Variants in ATP7A observed in about 807,000 individuals in gnomAD.
ATP7A encodes the protein copper-transporting ATPase 1.
A neutral mutation model predicts 83.5 loss-of-function variants in ATP7A; 7 were observed. The observed-to-expected ratio is 0.08, with a 90% CI of 0.05 to 0.16. The LOEUF is 0.16. Among genes scored for constraint, ATP7A ranks in the 10% least tolerant of loss-of-function variants. ATP7A has a pLI of 1.00. For missense variants in ATP7A, 940 were observed against 1,120.8 expected, an observed-to-expected ratio of 0.84 and a Z score of 2.30; for synonymous variants, 354 against 395.2, an observed-to-expected ratio of 0.90 and a Z score of 1.24.
chrX:77,973,432 C>G, intron 2 of ATP7A, among the ~76,000 whole-genome samples: 1 of 111,870 alleles, frequency 8.9e-6, no homozygotes, highest in Admixed American at 9.5e-5. Flanking sequence ...TGAAAGTGTT[C>G]CATTTTCTCC....
At chrX:77,959,377 CTA>C (rs2077463296) in intron 1 of ATP7A, among the ~76,000 whole-genome samples, 2 of 111,723 alleles carry the variant, frequency 1.8e-5, no homozygotes, top group Middle Eastern at 4.6e-3. Context: ...TTTTTCTAAA[CTA>C]TGTTAATGGG....
rs1249256780 is a variant in ATP7A at position 77,998,627 on chromosome X, G to A, written c.1486G>A (p.Gly496Ser). Residue 496 changes from glycine to serine, a missense_variant, in exon 5 of 23, where the codon GGC becomes AGC. By Grantham distance (56) the Gly-to-Ser change is moderately conservative. Transcript: ENST00000341514. ...NSSKCYIQVTGMTCASCVANI... is the reference protein window; with the variant it reads ...NSSKCYIQVTSMTCASCVANI... ...ATCTAAGTGTTACATACAGGTCACT[G>A]GCATGACTTGCGCTTCCTGTGTAGC... is the stretch of plus-strand genomic sequence containing the variant. 2 of 1,210,375 alleles carry A rather than the reference G, an allele frequency of 1.7e-6. No homozygotes were observed. The highest frequency in any genetic ancestry group is 3.5e-5 in the African/African-American group (2 of 57,260).
chrX:77,916,354 C>CAAAAAAAAAAAAA (rs782551060), intron 1 of ATP7A, among the ~76,000 whole-genome samples: 1 of 32,522 alleles, frequency 3.1e-5, no homozygotes, highest in Non-Finnish European at 5.8e-5. Context: ...GACCCTGTCT[C>CAAAAAAAAAAAAA]AAAAAAAAAA....
chrX:78,037,226 C>A (rs928915011), intron 17 of ATP7A, among the ~76,000 whole-genome samples: 2 of 112,113 alleles, frequency 1.8e-5, no homozygotes, highest in African/African-American at 6.5e-5. Flanking sequence ...AGGAAACAGA[C>A]TGAATCAGAG....
chrX:77,972,265 C>G (rs1308155261), intron 2 of ATP7A, among the ~76,000 whole-genome samples: 1 of 110,878 alleles, frequency 9.0e-6, no homozygotes, highest in African/African-American at 3.3e-5. Flanking sequence ...AATCACAGCT[C>G]ACTGCAGCCT....
chrX:78,049,023 G>T lies in ATP7A; in HGVS notation c.*2453G>T. Reference sequence around the variant, plus strand: ...AATTTCAGCTCTTACAACAAGAACAGAAAACATGCTAATTAGAAAAAGTCC... The same window carrying T: ...AATTTCAGCTCTTACAACAAGAACATAAAACATGCTAATTAGAAAAAGTCC... On this transcript the variant is annotated 3_prime_UTR_variant, in exon 23 of 23. Transcript: ENST00000341514. 8.9e-6 allele frequency: 1 copy of T among 111,932 alleles called. No homozygotes were observed. Among genetic ancestry groups the T allele is most frequent in the Non-Finnish European group, 1.9e-5 (1 of 53,175 alleles). The allele number at this position is 111,932 out of a possible 1,213,427, so 9.2% of individuals were successfully genotyped here.
chrX:77,931,255 C>T (rs1557224171), intron 1 of ATP7A, among the ~76,000 whole-genome samples: 1 of 109,396 alleles, frequency 9.1e-6, no homozygotes, highest in Non-Finnish European at 1.9e-5. Flanking sequence ...TTTAACAAAG[C>T]ACATCTTGCA....
chrX:77,948,156 T>A (rs1214166304), intron 1 of ATP7A, among the ~76,000 whole-genome samples: 1 of 109,031 alleles, frequency 9.2e-6, no homozygotes, highest in African/African-American at 3.4e-5. Context: ...AGACGGAGTC[T>A]TGCTCTGTCA....
intron 2 of ATP7A, among the ~76,000 whole-genome samples, chrX:77,979,644 G>A (rs2077594286): frequency 8.9e-6 from 1 of 112,272 alleles, no homozygotes; most frequent in Non-Finnish European, 1.9e-5. Flanking sequence ...ACTAAGTCAA[G>A]GAGCTCTTGG....
chrX:78,020,572 G>A (rs111301116), intron 13 of ATP7A, among the ~76,000 whole-genome samples, 174 bp downstream of exon 13: 2 of 111,798 alleles, frequency 1.8e-5, no homozygotes, highest in African/African-American at 6.5e-5. Context: ...GAGTGCAGTG[G>A]CACCATCATG....
intron 2 of ATP7A, among the ~76,000 whole-genome samples, chrX:77,987,548 T>C (rs1429477597): frequency 9.2e-6 from 1 of 108,322 alleles, no homozygotes; most frequent in African/African-American, 3.4e-5. Context: ...AGTAGTTAAA[T>C]TATATGCAGT....
In ATP7A at chrX:78,047,334, T is replaced by C. The variant is rs2078089299; in HGVS notation, c.*764T>C. 1 of 112,083 alleles carries C rather than the reference T, an allele frequency of 8.9e-6. No homozygotes were observed. Among genetic ancestry groups the C allele is most frequent in the African/African-American group, 3.2e-5 (1 of 30,772 alleles). 9.2% of individuals were successfully genotyped at this position (112,083 alleles called of 1,213,427 possible). A position where few individuals can be genotyped will look rare whatever the true frequency, so the allele number is the denominator to read the frequency against. On this transcript the variant is annotated 3_prime_UTR_variant, in exon 23 of 23. Coordinates refer to ENST00000341514, the MANE Select transcript of ATP7A (RefSeq NM_000052.7). ...TTCCCTGCCTCCCATCTTTCCACTG[T>C]TGTAAAAAGTATATCAAATTATTCC...
intron 7 of ATP7A, among the ~76,000 whole-genome samples, chrX:78,009,921 C>G (rs1306175099): frequency 8.9e-6 from 1 of 112,652 alleles, no homozygotes; most frequent in Non-Finnish European, 1.9e-5. Context: ...GACCTTGTCT[C>G]TAAAACAAAC....
At chrX:77,998,816 A>G (rs781877903) in intron 5 of ATP7A, 132 bp downstream of exon 5, 6 of 712,972 alleles carry the variant, frequency 8.4e-6, no homozygotes, top group Non-Finnish European at 1.1e-5. Flanking sequence ...AATGTGTGGG[A>G]CAACCCCGAT....
At chrX:78,043,507 T>C in intron 21 of ATP7A, 73 bp downstream of exon 21, 2 of 839,703 alleles carry the variant, frequency 2.4e-6, no homozygotes, top group South Asian at 4.1e-5. Flanking sequence ...AAGCCTGTCT[T>C]CTTACTATTA....
chrX:78,038,728 G>T, intron 17 of ATP7A, 108 bp from the exon 18 acceptor site: 1 of 882,575 alleles, frequency 1.1e-6, no homozygotes. Context: ...TGTTCTAGGA[G>T]CAATACAATG....
At chrX:78,008,032 A>G (rs1557233936) in intron 6 of ATP7A, among the ~76,000 whole-genome samples, 1 of 111,926 alleles carries the variant, frequency 8.9e-6, no homozygotes, top group African/African-American at 3.2e-5. Context: ...TATTCATTCT[A>G]TTTTTTGTAC....
intron 2 of ATP7A, among the ~76,000 whole-genome samples, chrX:77,978,514 G>T (rs782489869): frequency 9.0e-6 from 1 of 111,626 alleles, no homozygotes; most frequent in South Asian, 3.7e-4. Flanking sequence ...ATATATGAAA[G>T]AAACTCAACA....
intron 1 of ATP7A, among the ~76,000 whole-genome samples, chrX:77,952,421 A>G (rs1368177923): frequency 3.6e-5 from 4 of 111,771 alleles, no homozygotes; most frequent in African/African-American, 1.3e-4. Flanking sequence ...GTAGTGTCTC[A>G]TCATTGTTTT....
Sources: allele counts gnomAD v4.1 joint callset (sites outside exome capture counted in the v4.1 genomes callset), GRCh38; gene constraint gnomAD v4.1.1; transcripts MANE v1.5; gene names NCBI Gene and HGNC (gene_info 2026-07-23, HGNC 2026-07-21).